MARK1: variants seen among roughly 807,000 people sequenced by gnomAD.
MARK1 encodes the protein serine/threonine-protein kinase MARK1.
In MARK1, 40 loss-of-function variants were observed where a neutral mutation model predicts 96.3. The observed-to-expected ratio is 0.42, with a 90% confidence interval of 0.32 to 0.54. The LOEUF (loss-of-function observed/expected upper bound fraction) is 0.54, where lower values mean the gene tolerates loss of function less well. MARK1 is among the 20% of genes least tolerant of loss of function. MARK1 has a pLI of 0.16. For synonymous variants in MARK1, 317 were observed against 341.2 expected (o/e 0.93, Z 0.78); for missense variants, 719 against 984.6 (o/e 0.73, Z 3.61).
chr1:220,643,721 AC>A (rs1442979871), intron 13 of MARK1, among the ~76,000 whole-genome samples: 1 of 152,202 alleles, frequency 6.6e-6, no homozygotes, highest in African/African-American at 2.4e-5. Flanking sequence ...CTAACAGTGG[AC>A]CTGTCAGTGT....
chr1:220,591,334 A>T (rs568633229), intron 3 of MARK1, among the ~76,000 whole-genome samples: 9 of 152,188 alleles, frequency 5.9e-5, no homozygotes, highest in African/African-American at 2.2e-4. Context: ...TAGTTTTGAG[A>T]TATGTCCCAG....
At chr1:220,649,821 T>A (rs1668776205) in intron 13 of MARK1, among the ~76,000 whole-genome samples, 1 of 152,106 alleles carries the variant, frequency 6.6e-6, no homozygotes, top group South Asian at 2.1e-4. Context: ...GTAGCAAAAA[T>A]TTTTGTTCTG....
chr1:220,534,880 T>C (rs776081888), intron 1 of MARK1, among the ~76,000 whole-genome samples: 30 of 152,186 alleles, frequency 2.0e-4, no homozygotes, highest in Non-Finnish European at 4.0e-4. Flanking sequence ...AGCTGAATAA[T>C]ATTCCATTGT....
intron 1 of MARK1, among the ~76,000 whole-genome samples, chr1:220,547,058 T>C (rs1162277756): frequency 6.6e-6 from 1 of 152,210 alleles, no homozygotes; most frequent in African/African-American, 2.4e-5. Flanking sequence ...CTAGTTTATC[T>C]TGGATCAAAT....
At chr1:220,652,658 AT>A in intron 15 of MARK1, among the ~76,000 whole-genome samples, 1 of 152,334 alleles carries the variant, frequency 6.6e-6, no homozygotes, top group South Asian at 2.1e-4. Context: ...ACATCTGAAC[AT>A]TTTAACCCTC....
intron 5 of MARK1, among the ~76,000 whole-genome samples, chr1:220,601,103 A>G (rs999685657): frequency 5.3e-5 from 8 of 151,882 alleles, no homozygotes; most frequent in Admixed American, 2.6e-4. Context: ...TATTTTTAGT[A>G]GAGATGGGTT....
intron 1 of MARK1, among the ~76,000 whole-genome samples, chr1:220,541,219 C>T (rs1253645203): frequency 6.6e-6 from 1 of 152,154 alleles, no homozygotes; most frequent in East Asian, 1.9e-4. Flanking sequence ...AGGCAAGAGC[C>T]ACCACACCCA....
At chr1:220,578,023 G>A (rs569175602) in intron 1 of MARK1, among the ~76,000 whole-genome samples, 5 of 152,190 alleles carry the variant, frequency 3.3e-5, no homozygotes, top group African/African-American at 7.2e-5. Flanking sequence ...CATGCTTTGC[G>A]TGAGATTGGT....
chr1:220,560,697 A>G (rs1662609377), intron 1 of MARK1, among the ~76,000 whole-genome samples: 1 of 152,222 alleles, frequency 6.6e-6, no homozygotes, highest in African/African-American at 2.4e-5. Flanking sequence ...GGACAAAGTA[A>G]GACCTCATCA....
In MARK1 at chr1:220,614,326, C is replaced by CT. The variant is rs749898938; in HGVS notation, c.496-1611dup. Among the ~76,000 whole-genome samples, 13 of 152,086 alleles carry CT rather than the reference C, an allele frequency of 8.5e-5. No individual in the cohort carries two copies. In the South Asian group the frequency reaches 2.5e-3, roughly 29 times the overall value. ...ACCTGCTTTTCAAATACACAGTTCC[C>CT]TTGTCATTAATGCATTTCGTCACCT... On this transcript the variant is annotated intron_variant, in intron 6 of 17. Transcript: ENST00000366917.
At chr1:220,648,224 A>C in intron 13 of MARK1, among the ~76,000 whole-genome samples, 1 of 152,292 alleles carries the variant, frequency 6.6e-6, no homozygotes, top group African/African-American at 2.4e-5. Context: ...AAGAACCCCC[A>C]AAAAGTTGTT....
At chr1:220,573,556 C>A (rs1279812082) in intron 1 of MARK1, among the ~76,000 whole-genome samples, 1 of 152,096 alleles carries the variant, frequency 6.6e-6, no homozygotes, top group Non-Finnish European at 1.5e-5. Context: ...ATCTCCTGAC[C>A]TCGTGATCCA....
chr1:220,529,286 G>A (rs565888484), intron 1 of MARK1, among the ~76,000 whole-genome samples: 7 of 152,066 alleles, frequency 4.6e-5, no homozygotes, highest in Non-Finnish European at 1.0e-4. Flanking sequence ...TTGCTTTTCT[G>A]GATCTTTCAA....
chr1:220,600,503 A>T (rs1357918827), intron 5 of MARK1, among the ~76,000 whole-genome samples: 1 of 152,200 alleles, frequency 6.6e-6, no homozygotes, highest in Non-Finnish European at 1.5e-5. Flanking sequence ...AATCATCTTC[A>T]TCTCCTGCAC....
At chr1:220,625,071 C>A (rs1258897516) in intron 9 of MARK1, among the ~76,000 whole-genome samples, 2 of 152,136 alleles carry the variant, frequency 1.3e-5, no homozygotes, top group Admixed American at 1.3e-4. Context: ...TCTGTCTTAC[C>A]CAGGGATCTT....
intron 1 of MARK1, among the ~76,000 whole-genome samples, chr1:220,545,874 TCTACTAGGC>T (rs1479962186): frequency 6.6e-6 from 1 of 152,224 alleles, no homozygotes; most frequent in Non-Finnish European, 1.5e-5. Flanking sequence ...AGTCCTGTTC[TCTACTAGGC>T]CTTGACCTTG....
chr1:220,567,472 T>C (rs1189559376), intron 1 of MARK1, among the ~76,000 whole-genome samples: 1 of 152,158 alleles, frequency 6.6e-6, no homozygotes, highest in Non-Finnish European at 1.5e-5. Context: ...CTACCAGTTA[T>C]GTGGTAAGCC....
intron 1 of MARK1, among the ~76,000 whole-genome samples, chr1:220,552,135 T>G (rs1299875803): frequency 6.6e-6 from 1 of 152,196 alleles, no homozygotes; most frequent in Non-Finnish European, 1.5e-5. Flanking sequence ...GTAACCTCTT[T>G]TTTTGCCTAT....
chr1:220,548,713 G>A (rs1661664868), intron 1 of MARK1, among the ~76,000 whole-genome samples: 1 of 152,054 alleles, frequency 6.6e-6, no homozygotes, highest in African/African-American at 2.4e-5. Context: ...CCGAGATTGT[G>A]CCACTGCACT....
Sources: allele counts gnomAD v4.1 joint callset (sites outside exome capture counted in the v4.1 genomes callset), GRCh38; gene constraint gnomAD v4.1.1; transcripts MANE v1.5; gene names NCBI Gene and HGNC (gene_info 2026-07-23, HGNC 2026-07-21).